Variants in FLRT2 observed in about 807,000 individuals in gnomAD.
FLRT2 encodes the protein leucine-rich repeat transmembrane protein FLRT2.
FLRT2 carries 15 observed loss-of-function variants against 40.0 expected under a neutral mutation model. The ratio of observed to expected loss-of-function variants is 0.38; its 90% CI spans 0.25 to 0.58. The LOEUF (loss-of-function observed/expected upper bound fraction) is 0.58. Ranked by LOEUF, FLRT2 falls within the 20% of genes least tolerant of loss-of-function variation. The pLI is 0.71. For missense variants in FLRT2, 726 were observed against 840.0 expected (o/e 0.86, Z 1.68); for synonymous variants, 380 against 336.8 (o/e 1.13, Z -1.41).
At chr14:85,572,657 T>C (rs1010643223) in intron 1 of FLRT2, among the ~76,000 whole-genome samples, 1 of 152,224 alleles carries the variant, frequency 6.6e-6, no homozygotes, top group African/African-American at 2.4e-5. Context: ...CTTTAGTCCC[T>C]GTAAGTATAT....
Position 85,646,789 on chromosome 14 carries a change from GT to G in FLRT2, c.*23300del, listed in dbSNP as rs796261415. 1.3e-5 allele frequency: 2 copies of G among 151,438 alleles called. No homozygotes were observed. The highest frequency in any genetic ancestry group is 6.6e-5 in the Admixed American group (1 of 15,154). The allele number at this position is 151,438 out of a possible 1,614,324, so 9.4% of individuals were successfully genotyped here. A position where few individuals can be genotyped will look rare whatever the true frequency, so the allele number is the denominator to read the frequency against. Reference sequence around the variant, plus strand: ...CCACCACTACACCCAGCTAATTTTTGTTTTTTTTGGTAGAGATGGGGTTTCA... The same window carrying G: ...CCACCACTACACCCAGCTAATTTTTGTTTTTTTGGTAGAGATGGGGTTTCA... On this transcript the variant is annotated 3_prime_UTR_variant, in exon 2 of 2. Coordinates refer to ENST00000330753, the MANE Select transcript of FLRT2 (RefSeq NM_013231.6).
At chr14:85,548,366 G>T (rs961119878) in intron 1 of FLRT2, among the ~76,000 whole-genome samples, 21 of 152,198 alleles carry the variant, frequency 1.4e-4, no homozygotes. Flanking sequence ...AAGCAGTGCA[G>T]CCTCTTGCTT....
In FLRT2 at chr14:85,627,628, G is replaced by A. The variant is rs1349386389; in HGVS notation, c.*4131G>A. 2 of 166,850 alleles carry A rather than the reference G, an allele frequency of 1.2e-5. No individual in the cohort carries two copies. The highest frequency in any genetic ancestry group is 4.8e-5 in the African/African-American group (2 of 41,372). The allele number at this position is 166,850 out of a possible 1,614,324, so 10.3% of individuals were successfully genotyped here. A position where few individuals can be genotyped will look rare whatever the true frequency, so the allele number is the denominator to read the frequency against. On this transcript the variant is annotated 3_prime_UTR_variant, in exon 2 of 2. Coordinates refer to ENST00000330753, the MANE Select transcript of FLRT2 (RefSeq NM_013231.6). ...CAGGGGCATTTGTAAAGGTGTCCCT[G>A]GAATGTAAGATTTATAATGTTTAAG... is the stretch of plus-strand genomic sequence containing the variant.
chr14:85,558,018 C>T (rs1354478973), intron 1 of FLRT2, among the ~76,000 whole-genome samples: 1 of 152,116 alleles, frequency 6.6e-6, no homozygotes, highest in African/African-American at 2.4e-5. Context: ...ATGTGGAAAG[C>T]ATCCATAGAC....
At chr14:85,609,643 G>A (rs1299387011) in intron 1 of FLRT2, among the ~76,000 whole-genome samples, 1 of 152,158 alleles carries the variant, frequency 6.6e-6, no homozygotes, top group Admixed American at 6.5e-5. Flanking sequence ...AAACATATGA[G>A]CATATTTCAG....
Position 85,629,521 on chromosome 14 carries a change from G to A in FLRT2, c.*6024G>A, listed in dbSNP as rs1029803525. 45 of 152,152 alleles carry A rather than the reference G, an allele frequency of 3.0e-4. 2 individuals are homozygous for A. The highest frequency in any genetic ancestry group is 2.9e-3 in the Admixed American group (45 of 15,276). The allele number at this position is 152,152 out of a possible 1,614,324, so 9.4% of individuals were successfully genotyped here. ...GCAAACTGTGTGATAACGTATGTTT[G>A]CATTCTGTCTTTAAAATAACCCTGT... On this transcript the variant is annotated 3_prime_UTR_variant, in exon 2 of 2. Coordinates refer to ENST00000330753, the MANE Select transcript of FLRT2 (RefSeq NM_013231.6).
chr14:85,625,769 A>T lies in FLRT2; in HGVS notation c.*2272A>T, dbSNP rs1566767571. The T allele has an allele frequency of 6.0e-6, 1 of 167,084 alleles. No individual in the cohort carries two copies. The allele number at this position is 167,084 out of a possible 1,614,324, so 10.4% of individuals were successfully genotyped here. A position where few individuals can be genotyped will look rare whatever the true frequency, so the allele number is the denominator to read the frequency against. On this transcript the variant is annotated 3_prime_UTR_variant, in exon 2 of 2. Transcript: ENST00000330753. ...ACTGTCCTCTTCCCCTTGGCTGTGT[A>T]GATAAAATTGTGCATTCAAATGATG...
Position 85,622,661 on chromosome 14 carries a change from C to T in FLRT2, c.1147C>T (p.Pro383Ser). The T allele has an allele frequency of 6.2e-7, 1 of 1,613,928 alleles. No individual in the cohort carries two copies. The highest frequency in any genetic ancestry group is 8.5e-7 in the Non-Finnish European group (1 of 1,180,010). Residue 383 changes from proline to serine, a missense_variant, in exon 2 of 2, where the codon CCT (proline) becomes TCT (serine). Coordinates refer to ENST00000330753, the MANE Select transcript of FLRT2 (RefSeq NM_013231.6). ...AAGTACAGCTTCTCCGACCACTCAG[C>T]CTCCCACCCTCTCTATTCCAAACCC... Reference protein sequence around the residue: ...APSTASPTTQPPTLSIPNPSR... With the variant: ...APSTASPTTQSPTLSIPNPSR...
rs747435487 is a variant in FLRT2 at position 85,621,486 on chromosome 14, A to G, written c.-29A>G. 3.8e-5 allele frequency: 59 copies of G among 1,545,304 alleles called. No homozygotes were observed. Among genetic ancestry groups the G allele is most frequent in the Non-Finnish European group, 5.0e-5 (57 of 1,147,874 alleles). On this transcript the variant is annotated 5_prime_UTR_variant, in exon 2 of 2. Transcript: ENST00000330753. ...TTTTTTTCTTTTTCTTTTTCCCACC[A>G]CATTGTATTTTATTTCCGTACTTCA... is the stretch of plus-strand genomic sequence containing the variant.
intron 1 of FLRT2, among the ~76,000 whole-genome samples, chr14:85,538,763 T>C (rs1405928243): frequency 6.6e-6 from 1 of 152,114 alleles, no homozygotes; most frequent in Non-Finnish European, 1.5e-5. Context: ...TTCACAAATA[T>C]ACTGTCCATT....
rs1366239551 is a variant in FLRT2, at chr14:85,635,086, G to A, written c.*11589G>A. ...TTGACTTAAGTATAAAGACTAACAT[G>A]TTTCTCATTAGTTATAATAACCTTA... On this transcript the variant is annotated 3_prime_UTR_variant, in exon 2 of 2. Transcript: ENST00000330753. 1 of 152,094 alleles carries A rather than the reference G, an allele frequency of 6.6e-6. No individual in the cohort carries two copies. The highest frequency in any genetic ancestry group is 1.5e-5 in the Non-Finnish European group (1 of 67,988). 9.4% of individuals were successfully genotyped at this position (152,094 alleles called of 1,614,324 possible).
intron 1 of FLRT2, among the ~76,000 whole-genome samples, chr14:85,585,219 G>A (rs1047634668): frequency 6.6e-6 from 1 of 152,006 alleles, no homozygotes; most frequent in Non-Finnish European, 1.5e-5. Context: ...TTTTCCTTTC[G>A]TGGCCATCCA....
In FLRT2 at chr14:85,648,258, T is replaced by C. The variant is rs1894355312; in HGVS notation, c.*24761T>C. ...TAAGTTCTAGGTACAAAGTGTACAC[T>C]GTACTGGATTTAGTATTTGACATCT... On this transcript the variant is annotated 3_prime_UTR_variant, in exon 2 of 2. Transcript: ENST00000330753. The C allele has an allele frequency of 6.6e-6, 1 of 152,154 alleles. No individual in the cohort carries two copies. Among genetic ancestry groups the C allele is most frequent in the Non-Finnish European group, 1.5e-5 (1 of 68,034 alleles). The allele number at this position is 152,154 out of a possible 1,614,324, so 9.4% of individuals were successfully genotyped here. A position where few individuals can be genotyped will look rare whatever the true frequency, so the allele number is the denominator to read the frequency against.
chr14:85,578,188 A>AAAAATATC (rs1891215320), intron 1 of FLRT2, among the ~76,000 whole-genome samples: 2 of 140,922 alleles, frequency 1.4e-5, no homozygotes, highest in South Asian at 2.2e-4. Context: ...CTTTATATAT[A>AAAAATATC]TTTATATATA....
In FLRT2 at chr14:85,600,163, G is replaced by A. The variant is rs181384273; in HGVS notation, c.-376-20976G>A. 5.1e-3 allele frequency among the ~76,000 whole-genome samples: 774 copies of A among 152,322 alleles called. 5 individuals carry two copies. The highest frequency in any genetic ancestry group is 0.018 in the African/African-American group (735 of 41,576). The stretch of plus-strand genomic sequence containing the variant: ...TGATTCATTTGGGCGATAAGAGGAA[G>A]TAGTAGGAGGCAGCATAGGCCTCTT... On this transcript the variant is annotated intron_variant, in intron 1 of 1. Transcript: ENST00000330753.
At chr14:85,560,820 G>A (rs2139844034) in intron 1 of FLRT2, 1 of 151,224 alleles carries the variant, frequency 6.6e-6, no homozygotes, top group South Asian at 2.1e-4. Context: ...ATGCTGGTGG[G>A]AAACCTAAAA....
intron 1 of FLRT2, chr14:85,559,376 G>A (rs1361967953): frequency 1.3e-5 from 2 of 152,128 alleles, no homozygotes; most frequent in Admixed American, 6.5e-5. Flanking sequence ...GAAAGAACAT[G>A]GATTAGCTGA....
chr14:85,613,416 T>G (rs1892985219), intron 1 of FLRT2, among the ~76,000 whole-genome samples: 1 of 152,218 alleles, frequency 6.6e-6, no homozygotes, highest in African/African-American at 2.4e-5. Context: ...CTATGCCTTT[T>G]ACAAAGGTCA....
intron 1 of FLRT2, among the ~76,000 whole-genome samples, chr14:85,532,766 G>A (rs1311647708): frequency 6.6e-6 from 1 of 152,200 alleles, no homozygotes; most frequent in Admixed American, 6.5e-5. Flanking sequence ...CACCAAGGTT[G>A]CCTGCATTTG....
Sources: allele counts gnomAD v4.1 joint callset (sites outside exome capture counted in the v4.1 genomes callset), GRCh38; gene constraint gnomAD v4.1.1; transcripts MANE v1.5; gene names NCBI Gene and HGNC (gene_info 2026-07-23, HGNC 2026-07-21).